Variants in PRRC2C observed in about 807,000 individuals in gnomAD.
The protein encoded by PRRC2C is proline rich coiled-coil 2C, also known as protein PRRC2C.
PRRC2C carries 72 observed loss-of-function variants against 317.2 expected under a neutral mutation model. The observed-to-expected ratio is 0.23, with a 90% CI of 0.19 to 0.28. The LOEUF (loss-of-function observed/expected upper bound fraction) is 0.28. PRRC2C is among the 10% of genes least tolerant of loss of function. The pLI, the probability that PRRC2C is intolerant of heterozygous loss-of-function variation, is 1.00. For synonymous variants in PRRC2C, 1,296 were observed against 1,205.9 expected (o/e 1.07, Z -1.55); for missense variants, 3,074 against 3,459.7 (o/e 0.89, Z 2.80).
At position 171,513,477 on chromosome 1, in the gene PRRC2C, A is replaced by T. The variant is rs2294291; in HGVS notation, c.290+305A>T. 21 of 493,656 alleles carry T rather than the reference A, an allele frequency of 4.3e-5. 1 individual carries two copies. The highest frequency in any genetic ancestry group is 2.6e-4 in the South Asian group (17 of 64,746). 30.6% of individuals were successfully genotyped at this position (493,656 alleles called of 1,614,324 possible). On this transcript the variant is annotated intron_variant, in intron 3 of 34. Transcript: ENST00000647382. The stretch of plus-strand genomic sequence containing the variant: ...GTATTCCCTTTCCAATATGATTAAG[A>T]GTTGACTCCGATACCTAAATTCCAT...
chr1:171,588,345 T>C, intron 32 of PRRC2C, 34 bp from the exon 33 acceptor site: 1 of 1,608,286 alleles, frequency 6.2e-7, no homozygotes, highest in Non-Finnish European at 8.5e-7. Context: ...TTACTTGGTA[T>C]TACTATACTG....
chr1:171,585,850 G>C (rs545116862), intron 30 of PRRC2C, among the ~76,000 whole-genome samples: 1 of 151,982 alleles, frequency 6.6e-6, no homozygotes, highest in Non-Finnish European at 1.5e-5. Context: ...GAAATGTCTC[G>C]GATTTCAGAT....
chr1:171,561,242 C>A, intron 20 of PRRC2C, 139 bp downstream of exon 20: 1 of 815,622 alleles, frequency 1.2e-6, no homozygotes, highest in Non-Finnish European at 2.1e-6. Context: ...CCAGCCTGGG[C>A]AACATAGTGA....
chr1:171,526,805 C>CTTTTTTTTTTTTTTTTTGTTT (rs1674655882), intron 10 of PRRC2C, among the ~76,000 whole-genome samples: 1 of 90,208 alleles, frequency 1.1e-5, no homozygotes, highest in Non-Finnish European at 2.1e-5. Context: ...AGAAATATAT[C>CTTTTTTTTTTTTTTTTTGTTT]TTTTTTTTTT....
Position 171,584,594 on chromosome 1 carries a change from T to C in PRRC2C, c.7749+68T>C. 6.1e-6 allele frequency: 9 copies of C among 1,478,204 alleles called. No homozygotes were observed. The South Asian group carries it at 6.7e-5, about 11-fold the overall frequency. The allele number at this position is 1,478,204 out of a possible 1,614,324, so 91.6% of individuals were successfully genotyped here. A position where few individuals can be genotyped will look rare whatever the true frequency, so the allele number is the denominator to read the frequency against. On this transcript the variant is annotated intron_variant, in intron 30 of 34. Transcript: ENST00000647382. Reference sequence around the variant, plus strand: ...TATTTTTATTGCTTTTGTTATTGTTTGGGAATTTAAATTGAACCAAGATGC... The same window carrying C: ...TATTTTTATTGCTTTTGTTATTGTTCGGGAATTTAAATTGAACCAAGATGC...
chr1:171,527,273 C>T (rs1674795951), intron 10 of PRRC2C, among the ~76,000 whole-genome samples: 1 of 151,122 alleles, frequency 6.6e-6, no homozygotes, highest in African/African-American at 2.4e-5. Context: ...GCTGGGATTA[C>T]AGGCACCCGC....
At chr1:171,572,845 C>T (rs1685013975) in intron 24 of PRRC2C, among the ~76,000 whole-genome samples, 1 of 152,160 alleles carries the variant, frequency 6.6e-6, no homozygotes, top group Admixed American at 6.5e-5. Flanking sequence ...TTTTAACATT[C>T]CAAGAAGAAA....
intron 31 of PRRC2C, 117 bp from the exon 32 acceptor site, chr1:171,587,531 T>C (rs965874705): frequency 1.4e-6 from 1 of 703,178 alleles, no homozygotes; most frequent in African/African-American, 1.8e-5. Flanking sequence ...TATAGGAGTT[T>C]TGTACTAAGG....
At chr1:171,530,294 G>A (rs1571823078) in intron 11 of PRRC2C, among the ~76,000 whole-genome samples, 1 of 124,640 alleles carries the variant, frequency 8.0e-6, no homozygotes, top group Non-Finnish European at 1.6e-5. Context: ...CTCTGTTGCC[G>A]AGGCTGGAGC....
At chr1:171,531,745 G>A (rs1016530501) in intron 11 of PRRC2C, among the ~76,000 whole-genome samples, 1 of 152,064 alleles carries the variant, frequency 6.6e-6, no homozygotes, top group Non-Finnish European at 1.5e-5. Context: ...TCTCCACTCC[G>A]GGTTCTAGAT....
Position 171,550,249 on chromosome 1 carries a change from C to A in PRRC2C, c.5127+9C>A. On this transcript the variant is annotated intron_variant, in intron 18 of 34. Transcript: ENST00000647382. The stretch of plus-strand genomic sequence containing the variant: ...AAGAACAAGTCATACAGGTTTAAAT[C>A]TTGTTTCAACTTGTTGCTAGTTATC... 2 of 1,550,352 alleles carry A rather than the reference C, an allele frequency of 1.3e-6. No homozygotes were observed. Among genetic ancestry groups the A allele is most frequent in the Admixed American group, 2.0e-5 (1 of 50,576 alleles).
rs138180449 is a variant in PRRC2C at position 171,558,129 on chromosome 1, A to C, written c.6017A>C (p.Asp2006Ala). Residue 2006 changes from aspartate (D) to alanine (A), a missense_variant, in exon 19 of 35, where the codon GAT becomes GCT. This residue lies in a region of PRRC2C where 640 missense variants were observed against 676.1 expected (regional missense o/e 0.95). Coordinates refer to ENST00000647382, the MANE Select transcript of PRRC2C (RefSeq NM_001387844.1). The stretch of plus-strand genomic sequence containing the variant: ...GTGGCCCCACCAGCTGTGCTGAATG[A>C]TATCTCTAAGAAATGTAAGTTGCAA... ...NKVAPPAVLN[D>A]ISKKLGPISP... 8.4e-5 allele frequency: 135 copies of C among 1,611,404 alleles called. No individual in the cohort carries two copies. The highest frequency in any genetic ancestry group is 1.1e-4 in the Non-Finnish European group (133 of 1,178,152).
Position 171,536,284 on chromosome 1 carries a change from T to C in PRRC2C, c.2293+6T>C, listed in dbSNP as rs1429214595. 3 of 1,612,304 alleles carry C rather than the reference T, an allele frequency of 1.9e-6. No individual in the cohort carries two copies. Among genetic ancestry groups the C allele is most frequent in the African/African-American group, 2.7e-5 (2 of 74,940 alleles). On this transcript the variant is annotated splice_donor_region_variant and intron_variant, in intron 14 of 34. Transcript: ENST00000647382. The stretch of plus-strand genomic sequence containing the variant: ...TATTCCACCCATTCATCCTGGTCAG[T>C]TGAATTTGCATTTATAGTTTTACAG...
chr1:171,516,689 C>T (rs1213273434), intron 5 of PRRC2C, among the ~76,000 whole-genome samples: 1 of 152,142 alleles, frequency 6.6e-6, no homozygotes, highest in African/African-American at 2.4e-5. Flanking sequence ...GTCAGGAATC[C>T]AGGGTCAGCT....
At chr1:171,509,122 C>A (rs770495311) in intron 1 of PRRC2C, among the ~76,000 whole-genome samples, 7 of 152,102 alleles carry the variant, frequency 4.6e-5, no homozygotes, top group Non-Finnish European at 7.3e-5. Context: ...CCTGACCTCA[C>A]GATCCACCTG....
chr1:171,540,426 A>G lies in PRRC2C; in HGVS notation c.2960A>G (p.Tyr987Cys), dbSNP rs756240866. ...GAAGGACCAAAACCTGAAAAAGTAT[A>G]TAAATCTAAATCAGAAACTCGTTGG... ...SSEGPKPEKV[Y>C]KSKSETRWGP... Residue 987 changes from tyrosine to cysteine, a missense_variant, in exon 16 of 35, where the codon TAT (tyrosine) becomes TGT (cysteine). Transcript: ENST00000647382. The G allele has an allele frequency of 1.5e-5, 24 of 1,612,876 alleles. No homozygotes were observed. The highest frequency in any genetic ancestry group is 1.7e-5 in the Non-Finnish European group (20 of 1,179,474).
chr1:171,526,231 T>G (rs573420709), intron 10 of PRRC2C, among the ~76,000 whole-genome samples: 25 of 152,342 alleles, frequency 1.6e-4, no homozygotes, highest in South Asian at 8.3e-4. Context: ...ATTTTTAGTT[T>G]GCCACTAGAA....
intron 4 of PRRC2C, among the ~76,000 whole-genome samples, chr1:171,515,206 G>C (rs4916393): frequency 0.81 from 122,608 of 152,246 alleles, 49,495 homozygotes; most frequent in Middle Eastern, 0.9. Flanking sequence ...AAAACTAGCT[G>C]TTTTAATTTA....
intron 9 of PRRC2C, among the ~76,000 whole-genome samples, chr1:171,523,862 C>T (rs2102352976): frequency 6.6e-6 from 1 of 152,046 alleles, no homozygotes; most frequent in East Asian, 1.9e-4. Context: ...ATGGTGAAAC[C>T]CCATCTCTAC....
Sources: allele counts gnomAD v4.1 joint callset (sites outside exome capture counted in the v4.1 genomes callset), GRCh38; gene constraint gnomAD v4.1.1; regional missense constraint gnomAD v4.1.1; transcripts MANE v1.5; gene names NCBI Gene and HGNC (gene_info 2026-07-23, HGNC 2026-07-21).